The following CHRM3 variants were observed in gnomAD, a reference collection of about 807,000 sequenced individuals.
CHRM3 encodes muscarinic acetylcholine receptor M3.
A neutral mutation model predicts 41.8 loss-of-function variants in CHRM3; 11 were observed. That is an observed-to-expected ratio of 0.26 (90% CI 0.17 to 0.44). The LOEUF is 0.44. Ranked by LOEUF, CHRM3 falls within the 20% of genes least tolerant of loss-of-function variation. The pLI is 1.00. For synonymous variants in CHRM3, 297 were observed against 301.4 expected (o/e 0.99, Z 0.15); for missense variants, 571 against 745.4 (o/e 0.77, Z 2.72).
intron 5 of CHRM3, among the ~76,000 whole-genome samples, chr1:239,712,984 C>G (rs1012256735): frequency 1.3e-5 from 2 of 152,096 alleles, no homozygotes; most frequent in Non-Finnish European, 2.9e-5. Flanking sequence ...TTTTAAATCC[C>G]CTTCCAATCC....
intron 5 of CHRM3, among the ~76,000 whole-genome samples, chr1:239,697,593 C>G (rs899251613): frequency 1.3e-5 from 2 of 152,046 alleles, no homozygotes; most frequent in African/African-American, 4.8e-5. Context: ...TGCAGAGAAA[C>G]CAGTCCCTAA....
At chr1:239,479,001 G>A (rs1379330854) in intron 1 of CHRM3, among the ~76,000 whole-genome samples, 1 of 152,086 alleles carries the variant, frequency 6.6e-6, no homozygotes, top group African/African-American at 2.4e-5. Context: ...TGACGAACAT[G>A]GGGAAACCCT....
intron 2 of CHRM3, among the ~76,000 whole-genome samples, chr1:239,529,959 G>A (rs542104137): frequency 5.7e-4 from 87 of 151,926 alleles, no homozygotes; most frequent in African/African-American, 1.2e-3. Flanking sequence ...GTGCAGTGGC[G>A]CGATCTCGGC....
intron 2 of CHRM3, among the ~76,000 whole-genome samples, chr1:239,496,587 T>C (rs1194935656): frequency 6.6e-6 from 1 of 151,666 alleles, no homozygotes; most frequent in Non-Finnish European, 1.5e-5. Flanking sequence ...ATGACAACCT[T>C]TGTCTCATTC....
At chr1:239,494,992 G>C (rs1047351918) in intron 2 of CHRM3, among the ~76,000 whole-genome samples, 2 of 151,902 alleles carry the variant, frequency 1.3e-5, no homozygotes, top group African/African-American at 4.8e-5. Context: ...GGTTCCTTTG[G>C]GTCTTCCTTT....
At chr1:239,639,040 T>A (rs12036124) in intron 4 of CHRM3, among the ~76,000 whole-genome samples, 2,435 of 152,016 alleles carry the variant, frequency 0.016, 68 homozygotes, top group East Asian at 0.11. Flanking sequence ...CCATTGCTTG[T>A]TTTTCTCAGG....
At chr1:239,664,803 G>A (rs1391425297) in intron 4 of CHRM3, among the ~76,000 whole-genome samples, 1 of 152,126 alleles carries the variant, frequency 6.6e-6, no homozygotes, top group Non-Finnish European at 1.5e-5. Context: ...GGCAAGGCCC[G>A]TTCTCAGTGT....
At position 239,564,382 on chromosome 1, in the gene CHRM3, G is replaced by A. The variant is rs74489498; in HGVS notation, c.-313+18633G>A. On this transcript the variant is annotated intron_variant, in intron 3 of 6. Transcript: ENST00000676153. ...GAAAAAGTAAGCATGCTTAAATCAC[G>A]CAATTTAAAATTATATCTAGAGGGA... Among the ~76,000 whole-genome samples, 1,235 of 152,124 alleles carry A rather than the reference G, an allele frequency of 8.1e-3. 125 individuals are homozygous for A. The East Asian group carries it at 0.19, about 24-fold the overall frequency.
At chr1:239,903,869 G>C (rs1281893343) in intron 6 of CHRM3, among the ~76,000 whole-genome samples, 2 of 152,156 alleles carry the variant, frequency 1.3e-5, no homozygotes, top group Non-Finnish European at 2.9e-5. Flanking sequence ...TGTGGTAGAG[G>C]AGCGAGGACC....
At chr1:239,582,898 C>G (rs1157231228) in intron 3 of CHRM3, among the ~76,000 whole-genome samples, 1 of 152,178 alleles carries the variant, frequency 6.6e-6, no homozygotes, top group Admixed American at 6.5e-5. Flanking sequence ...TTATGAGACA[C>G]TCTCTGATCT....
At chr1:239,757,266 G>T (rs1056285228) in intron 5 of CHRM3, among the ~76,000 whole-genome samples, 5 of 152,252 alleles carry the variant, frequency 3.3e-5, no homozygotes, top group African/African-American at 9.6e-5. Context: ...AAGATCAACT[G>T]TTTACATTTC....
intron 1 of CHRM3, among the ~76,000 whole-genome samples, chr1:239,401,738 C>T (rs533992414): frequency 6.6e-6 from 1 of 152,240 alleles, no homozygotes; most frequent in South Asian, 2.1e-4. Flanking sequence ...GGCGATCCAC[C>T]CTCCTTGGCC....
intron 1 of CHRM3, among the ~76,000 whole-genome samples, chr1:239,395,213 G>A (rs550965171): frequency 8.6e-5 from 13 of 151,892 alleles, no homozygotes; most frequent in South Asian, 6.3e-4. Flanking sequence ...TTTCTCCCTG[G>A]TTGACTCCCA....
At chr1:239,869,711 A>G (rs764642168) in intron 6 of CHRM3, among the ~76,000 whole-genome samples, 2 of 152,166 alleles carry the variant, frequency 1.3e-5, no homozygotes, top group African/African-American at 4.8e-5. Context: ...CCCCTGATTA[A>G]GTATTATCTT....
At chr1:239,711,745 A>G (rs1033548657) in intron 5 of CHRM3, among the ~76,000 whole-genome samples, 5 of 151,068 alleles carry the variant, frequency 3.3e-5, no homozygotes, top group East Asian at 3.9e-4. Context: ...ACTAAAGAAC[A>G]GGGGTGAGAC....
chr1:239,553,480 A>T (rs1296162621), intron 3 of CHRM3, among the ~76,000 whole-genome samples: 1 of 152,088 alleles, frequency 6.6e-6, no homozygotes, highest in Non-Finnish European at 1.5e-5. Context: ...CATTTTTAAG[A>T]TTGAAAATTT....
chr1:239,607,727 G>C (rs538019223), intron 3 of CHRM3, among the ~76,000 whole-genome samples: 1 of 151,698 alleles, frequency 6.6e-6, no homozygotes, highest in Admixed American at 6.6e-5. Context: ...CATTAATTTT[G>C]GAATTTGTTA....
intron 6 of CHRM3, among the ~76,000 whole-genome samples, chr1:239,838,727 C>A (rs985466737): frequency 6.6e-6 from 1 of 152,122 alleles, no homozygotes; most frequent in African/African-American, 2.4e-5. Context: ...CAGGGTCCTC[C>A]GCACATAGTT....
intron 1 of CHRM3, among the ~76,000 whole-genome samples, chr1:239,451,717 G>A (rs182874732): frequency 6.6e-6 from 1 of 152,068 alleles, no homozygotes; most frequent in African/African-American, 2.4e-5. Flanking sequence ...CCAGCAAAAG[G>A]ATGGGAAGAA....
Sources: allele counts gnomAD v4.1 joint callset (sites outside exome capture counted in the v4.1 genomes callset), GRCh38; gene constraint gnomAD v4.1.1; transcripts MANE v1.5; gene names NCBI Gene and HGNC (gene_info 2026-07-23, HGNC 2026-07-21).